The following SH3RF3 variants were observed in gnomAD, a reference collection of about 807,000 sequenced individuals.
The protein encoded by SH3RF3 is SH3 domain containing ring finger 3.
In SH3RF3, 29 loss-of-function variants were observed where a neutral mutation model predicts 66.3. The ratio of observed to expected loss-of-function variants is 0.44; its 90% CI spans 0.33 to 0.60. The LOEUF (loss-of-function observed/expected upper bound fraction) is 0.60, where lower values mean the gene tolerates loss of function less well. Among genes scored for constraint, SH3RF3 ranks in the 20% least tolerant of loss-of-function variants. SH3RF3 has a pLI of 0.04. For missense variants in SH3RF3, 1,194 were observed against 1,190.9 expected, an observed-to-expected ratio of 1.00 and a Z score of -0.04; for synonymous variants, 583 against 532.0, an observed-to-expected ratio of 1.10 and a Z score of -1.32.
chr2:109,240,038 G>A (rs868277590), intron 1 of SH3RF3, among the ~76,000 whole-genome samples: 10 of 152,178 alleles, frequency 6.6e-5, no homozygotes, highest in Non-Finnish European at 1.5e-4. Flanking sequence ...AGTGGTGGCC[G>A]GGGCTCTGGC....
At chr2:109,472,360 A>C (rs551843516) in intron 8 of SH3RF3, among the ~76,000 whole-genome samples, 1 of 152,028 alleles carries the variant, frequency 6.6e-6, no homozygotes, top group African/African-American at 2.4e-5. Flanking sequence ...GCCGGTGTGC[A>C]TGCAGGGTGT....
At chr2:109,191,944 C>T (rs1678377492) in intron 1 of SH3RF3, among the ~76,000 whole-genome samples, 1 of 152,102 alleles carries the variant, frequency 6.6e-6, no homozygotes, top group South Asian at 2.1e-4. Context: ...GAAAGTGGTG[C>T]TTCTCGGATT....
At chr2:109,318,591 C>T (rs1489203307) in intron 1 of SH3RF3, among the ~76,000 whole-genome samples, 1 of 152,224 alleles carries the variant, frequency 6.6e-6, no homozygotes, top group Admixed American at 6.5e-5. Context: ...GTAGAGCCAG[C>T]TCCTGAGGGG....
intron 1 of SH3RF3, among the ~76,000 whole-genome samples, chr2:109,317,601 C>T (rs1244140410): frequency 6.6e-6 from 1 of 152,168 alleles, no homozygotes; most frequent in African/African-American, 2.4e-5. Context: ...AGTCAAAGTC[C>T]ACCTTGGTTT....
intron 7 of SH3RF3, among the ~76,000 whole-genome samples, chr2:109,439,590 A>C (rs1219861972): frequency 6.6e-6 from 1 of 152,182 alleles, no homozygotes; most frequent in African/African-American, 2.4e-5. Flanking sequence ...TGGCCATAGC[A>C]TCCAATATGA....
At chr2:109,471,206 C>CAAAAA (rs61224177) in intron 8 of SH3RF3, among the ~76,000 whole-genome samples, 26 of 40,148 alleles carry the variant, frequency 6.5e-4, no homozygotes, top group East Asian at 3.7e-3. Flanking sequence ...GACTCTGTCT[C>CAAAAA]AAAAAAAAAA....
chr2:109,498,983 G>C (rs1044436158), intron 9 of SH3RF3, among the ~76,000 whole-genome samples: 3 of 152,198 alleles, frequency 2.0e-5, no homozygotes, highest in African/African-American at 7.2e-5. Context: ...AGTGTGGAGG[G>C]CCTGGGAATG....
intron 3 of SH3RF3, among the ~76,000 whole-genome samples, chr2:109,372,192 T>C (rs1184191847): frequency 2.0e-5 from 3 of 152,242 alleles, no homozygotes; most frequent in African/African-American, 7.2e-5. Context: ...CAAAGGTGTT[T>C]TGAGGCTAAT....
intron 4 of SH3RF3, among the ~76,000 whole-genome samples, chr2:109,400,639 C>T (rs143284117): frequency 3.0e-4 from 45 of 152,252 alleles, no homozygotes; most frequent in Admixed American, 2.2e-3. Context: ...CACATACACC[C>T]GTGCACACAT....
intron 1 of SH3RF3, among the ~76,000 whole-genome samples, chr2:109,311,873 G>T (rs1559016825): frequency 6.6e-6 from 1 of 152,194 alleles, no homozygotes; most frequent in East Asian, 1.9e-4. Flanking sequence ...GTTTGAAGTT[G>T]TTTTCTCGTT....
intron 8 of SH3RF3, among the ~76,000 whole-genome samples, chr2:109,477,298 C>G (rs1678707637): frequency 6.6e-6 from 1 of 152,218 alleles, no homozygotes; most frequent in South Asian, 2.1e-4. Flanking sequence ...CAGGCACAGC[C>G]TTCACGCCCA....
chr2:109,261,883 C>T (rs1055066707), intron 1 of SH3RF3, among the ~76,000 whole-genome samples: 1 of 151,868 alleles, frequency 6.6e-6, no homozygotes, highest in African/African-American at 2.4e-5. Context: ...TAATTGGGCT[C>T]TCTGCTGATA....
chr2:109,267,417 G>A (rs1006689208), intron 1 of SH3RF3, among the ~76,000 whole-genome samples: 1 of 152,150 alleles, frequency 6.6e-6, no homozygotes, highest in East Asian at 1.9e-4. Flanking sequence ...AGAAAGAGAC[G>A]CAAAAGAGAA....
chr2:109,434,910 TCTC>T (rs534776857), intron 6 of SH3RF3, among the ~76,000 whole-genome samples: 166 of 152,302 alleles, frequency 1.1e-3, no homozygotes, highest in Non-Finnish European at 1.6e-3. Context: ...AGAACTGTCT[TCTC>T]CTGCTGCCAG....
intron 8 of SH3RF3, among the ~76,000 whole-genome samples, chr2:109,470,412 G>C (rs1259023994): frequency 6.6e-6 from 1 of 152,144 alleles, no homozygotes; most frequent in Admixed American, 6.5e-5. Context: ...GTCAATCTTT[G>C]GTTCTCAGAA....
chr2:109,404,761 G>A (rs552389839), intron 4 of SH3RF3, among the ~76,000 whole-genome samples: 1 of 152,038 alleles, frequency 6.6e-6, no homozygotes, highest in East Asian at 1.9e-4. Context: ...GGATGTGCTC[G>A]ACTCTCTGCA....
intron 1 of SH3RF3, among the ~76,000 whole-genome samples, chr2:109,211,068 G>A (rs1678963573): frequency 1.3e-5 from 2 of 152,304 alleles, no homozygotes; most frequent in South Asian, 4.1e-4. Flanking sequence ...TGTCTGGTAG[G>A]GAGCACACCT....
chr2:109,484,365 T>C (rs1481782399), intron 8 of SH3RF3, among the ~76,000 whole-genome samples: 2 of 152,112 alleles, frequency 1.3e-5, no homozygotes, highest in Non-Finnish European at 2.9e-5. Context: ...CCCTGCCTGG[T>C]CATCCCACTG....
chr2:109,445,757 G>T (rs971290735), intron 7 of SH3RF3, among the ~76,000 whole-genome samples: 2 of 152,262 alleles, frequency 1.3e-5, no homozygotes, highest in Admixed American at 1.3e-4. Context: ...AAGTAGAGAG[G>T]GGGGTTGGCT....
Sources: gnomAD v4.1 joint callset for allele counts (sites outside exome capture counted in the v4.1 genomes callset) on GRCh38, gnomAD v4.1.1 for gene constraint, MANE v1.5 for transcripts, NCBI Gene and HGNC (gene_info 2026-07-23, HGNC 2026-07-21) for gene names.